The following BMPR1B variants were observed in gnomAD, a reference collection of about 807,000 sequenced individuals.
The protein encoded by BMPR1B is bone morphogenetic protein receptor type 1B.
BMPR1B carries 12 observed loss-of-function variants against 59.1 expected under a neutral mutation model. The observed-to-expected ratio is 0.20, with a 90% CI of 0.13 to 0.33. The LOEUF is 0.33. Among genes scored for constraint, BMPR1B ranks in the 10% least tolerant of loss-of-function variants. The probability of loss-of-function intolerance (pLI) is 1.00; values close to 1 mark genes in which losing one functional copy is unlikely to be tolerated. For synonymous variants in BMPR1B, 237 were observed against 207.3 expected (o/e 1.14, Z -1.23); for missense variants, 550 against 610.9 (o/e 0.90, Z 1.05).
intron 3 of BMPR1B, among the ~76,000 whole-genome samples, chr4:95,087,151 T>C (rs1233102031): frequency 1.3e-5 from 2 of 151,810 alleles, no homozygotes; most frequent in Non-Finnish European, 2.9e-5. Flanking sequence ...CCTCAGCCTC[T>C]CTAGTAGCTG....
intron 1 of BMPR1B, among the ~76,000 whole-genome samples, chr4:94,775,187 A>G (rs1373099093): frequency 6.6e-6 from 1 of 152,168 alleles, no homozygotes; most frequent in Non-Finnish European, 1.5e-5. Context: ...ATTACAAGAA[A>G]TACCTGGCAC....
intron 3 of BMPR1B, among the ~76,000 whole-genome samples, chr4:95,055,849 CT>C (rs1042704920): frequency 4.6e-5 from 7 of 152,026 alleles, no homozygotes; most frequent in African/African-American, 1.7e-4. Context: ...TATATGAAGG[CT>C]TTTGAAAAAA....
At chr4:94,912,435 A>G (rs754556277) in intron 2 of BMPR1B, among the ~76,000 whole-genome samples, 4 of 152,160 alleles carry the variant, frequency 2.6e-5, no homozygotes, top group African/African-American at 9.7e-5. Context: ...TTCTTCATCA[A>G]GTAGCTTTAA....
intron 3 of BMPR1B, among the ~76,000 whole-genome samples, chr4:95,049,804 T>G (rs1386797401): frequency 6.6e-6 from 1 of 151,856 alleles, no homozygotes; most frequent in African/African-American, 2.4e-5. Context: ...TGTCTTACAT[T>G]TTTTCTTAAT....
chr4:94,958,216 G>A (rs78892555), intron 2 of BMPR1B, among the ~76,000 whole-genome samples: 4,402 of 152,138 alleles, frequency 0.029, 203 homozygotes, highest in African/African-American at 0.1. Context: ...ATTTCTTTCC[G>A]TTTCCTTGGA....
At chr4:94,902,087 G>A (rs888565750) in intron 2 of BMPR1B, among the ~76,000 whole-genome samples, 1 of 128,588 alleles carries the variant, frequency 7.8e-6, no homozygotes, top group African/African-American at 3.2e-5. Flanking sequence ...GTGTGTGTGT[G>A]GGGTGTATTT....
At position 95,080,719 on chromosome 4, in the gene BMPR1B, C is replaced by T. The variant is rs143696452; in HGVS notation, c.-17-23689C>T. On this transcript the variant is annotated intron_variant, in intron 3 of 12. Transcript: ENST00000515059. ...GCAGGAACCAAACTATATGTGTATT[C>T]TTCACTCCAGTGTGCTCACAGTGAA... Among the ~76,000 whole-genome samples, 192 of 152,200 alleles carry T rather than the reference C, an allele frequency of 1.3e-3. 1 individual carries two copies. The highest frequency in any genetic ancestry group is 4.5e-3 in the African/African-American group (189 of 41,550).
At chr4:94,758,367 C>G (rs1721611829) in intron 1 of BMPR1B, among the ~76,000 whole-genome samples, 2 of 148,544 alleles carry the variant, frequency 1.3e-5, no homozygotes, top group African/African-American at 5.0e-5. Context: ...CTCGTGCCTG[C>G]GCAGGCGAGG....
At chr4:95,008,205 G>T (rs987530101) in intron 3 of BMPR1B, among the ~76,000 whole-genome samples, 6 of 152,140 alleles carry the variant, frequency 3.9e-5, no homozygotes, top group Non-Finnish European at 7.3e-5. Context: ...CATACTGTAC[G>T]GGGAAAAGTG....
intron 2 of BMPR1B, among the ~76,000 whole-genome samples, chr4:94,921,419 A>T (rs1728680782): frequency 6.6e-6 from 1 of 152,142 alleles, no homozygotes. Context: ...TGCAGGCTCT[A>T]CAGGAAACGT....
Position 94,949,627 on chromosome 4 carries a change from T to G in BMPR1B, c.-112-46413T>G, listed in dbSNP as rs992417921. Among the ~76,000 whole-genome samples the G allele has an allele frequency of 1.3e-5, 2 of 149,350 alleles. 1 individual carries two copies. Among genetic ancestry groups the G allele is most frequent in the African/African-American group, 5.0e-5 (2 of 40,152 alleles). The stretch of plus-strand genomic sequence containing the variant: ...CACCGCGCCCGGCCTGAACTCATTC[T>G]TTTTTATGGCTGCATAGTATTTCAT... On this transcript the variant is annotated intron_variant, in intron 2 of 12. Coordinates refer to ENST00000515059, the MANE Select transcript of BMPR1B (RefSeq NM_001203.3).
chr4:94,918,977 G>A (rs1728588306), intron 2 of BMPR1B, among the ~76,000 whole-genome samples: 1 of 152,094 alleles, frequency 6.6e-6, no homozygotes, highest in South Asian at 2.1e-4. Flanking sequence ...GTCTGCTGAG[G>A]AGTGATGGGT....
intron 3 of BMPR1B, among the ~76,000 whole-genome samples, chr4:95,053,991 A>C (rs2149193252): frequency 6.6e-6 from 1 of 152,314 alleles, no homozygotes; most frequent in Admixed American, 6.5e-5. Context: ...GAAAAGGAAA[A>C]TACGAAACAC....
chr4:94,872,911 C>CA (rs974857754), intron 1 of BMPR1B, among the ~76,000 whole-genome samples: 59 of 152,162 alleles, frequency 3.9e-4, no homozygotes, highest in African/African-American at 1.4e-3. Flanking sequence ...CAGTTTGATA[C>CA]AATTTAAAGG....
intron 2 of BMPR1B, among the ~76,000 whole-genome samples, chr4:94,930,822 C>G (rs1024206908): frequency 3.3e-5 from 5 of 152,076 alleles, no homozygotes; most frequent in African/African-American, 9.7e-5. Flanking sequence ...CAAAAATTTT[C>G]AAGGCATCCA....
At chr4:95,119,015 C>G (rs1195072198) in intron 6 of BMPR1B, among the ~76,000 whole-genome samples, 1 of 152,178 alleles carries the variant, frequency 6.6e-6, no homozygotes, top group Non-Finnish European at 1.5e-5. Context: ...AGTGTTCTTG[C>G]AGCTCAGGGT....
chr4:94,851,051 G>GT (rs34532663), intron 1 of BMPR1B, among the ~76,000 whole-genome samples: 91,303 of 151,110 alleles, frequency 0.6, 28,382 homozygotes, highest in African/African-American at 0.76. Context: ...GAATTCTCAG[G>GT]TTTTTTTTTC....
intron 8 of BMPR1B, among the ~76,000 whole-genome samples, chr4:95,125,435 G>A (rs1480602310): frequency 6.6e-6 from 1 of 152,090 alleles, no homozygotes; most frequent in African/African-American, 2.4e-5. Context: ...CCGCACTTTG[G>A]CCTGGCTTTT....
chr4:94,812,327 G>A (rs1723850115), intron 1 of BMPR1B, among the ~76,000 whole-genome samples: 2 of 152,138 alleles, frequency 1.3e-5, no homozygotes, highest in Non-Finnish European at 2.9e-5. Flanking sequence ...AAATCAATGG[G>A]TATTTGCCTG....
Sources: gnomAD v4.1 joint callset for allele counts (sites outside exome capture counted in the v4.1 genomes callset) on GRCh38, gnomAD v4.1.1 for gene constraint, MANE v1.5 for transcripts, NCBI Gene and HGNC (gene_info 2026-07-23, HGNC 2026-07-21) for gene names.